The following CCSER1 variants were observed in gnomAD, a reference collection of about 807,000 sequenced individuals.
CCSER1 encodes the protein coiled-coil serine rich protein 1, also known as serine-rich coiled-coil domain-containing protein 1.
A neutral mutation model predicts 82.0 loss-of-function variants in CCSER1; 41 were observed. The ratio of observed to expected loss-of-function variants is 0.50; its 90% CI spans 0.39 to 0.65. The LOEUF is 0.65. Ranked by LOEUF, CCSER1 falls within the 30% of genes least tolerant of loss-of-function variation. CCSER1 has a pLI of 0.00. For synonymous variants in CCSER1, 414 were observed against 383.9 expected (o/e 1.08, Z -0.92); for missense variants, 1,119 against 1,064.2 (o/e 1.05, Z -0.72).
chr4:91,454,038 A>G (rs2149422627), intron 10 of CCSER1, among the ~76,000 whole-genome samples: 1 of 152,214 alleles, frequency 6.6e-6, no homozygotes, highest in African/African-American at 2.4e-5. Flanking sequence ...CCTGACATCT[A>G]TGAGCTCCAG....
chr4:91,166,385 G>A (rs1263698000), intron 10 of CCSER1, among the ~76,000 whole-genome samples: 1 of 152,122 alleles, frequency 6.6e-6, no homozygotes, highest in African/African-American at 2.4e-5. Flanking sequence ...CCAAATAGAT[G>A]TGCTCTTTCC....
chr4:90,991,571 C>A (rs1003844956), intron 9 of CCSER1, among the ~76,000 whole-genome samples: 7 of 151,884 alleles, frequency 4.6e-5, no homozygotes, highest in African/African-American at 1.4e-4. Context: ...CTTCACATGG[C>A]ATTCTCCTCC....
At chr4:90,852,239 C>T (rs187845378) in intron 8 of CCSER1, among the ~76,000 whole-genome samples, 5 of 152,238 alleles carry the variant, frequency 3.3e-5, no homozygotes, top group South Asian at 4.1e-4. Context: ...TGCTGAATAG[C>T]GTATAATTAT....
chr4:91,377,848 G>C (rs1269078402), intron 10 of CCSER1, among the ~76,000 whole-genome samples: 2 of 152,242 alleles, frequency 1.3e-5, no homozygotes, highest in Non-Finnish European at 2.9e-5. Flanking sequence ...GAATGGTATT[G>C]CCTAGGTTTT....
chr4:90,250,241 T>C (rs1382842035), intron 1 of CCSER1, among the ~76,000 whole-genome samples: 2 of 152,138 alleles, frequency 1.3e-5, no homozygotes, highest in African/African-American at 2.4e-5. Context: ...TGAAGTCTAA[T>C]TTATTTATAT....
intron 10 of CCSER1, 61 bp downstream of exon 10, chr4:91,086,055 G>A: frequency 1.0e-6 from 1 of 965,706 alleles, no homozygotes; most frequent in Non-Finnish European, 1.6e-6. Context: ...GTGTTGCAGT[G>A]ATGTGGTGAT....
At chr4:90,806,845 T>A (rs923889503) in intron 7 of CCSER1, among the ~76,000 whole-genome samples, 29 of 151,358 alleles carry the variant, frequency 1.9e-4, no homozygotes, top group African/African-American at 7.0e-4. Context: ...GACTGTCCCC[T>A]ACTCAATCCT....
chr4:90,689,500 A>C (rs1735432200), intron 6 of CCSER1, among the ~76,000 whole-genome samples: 1 of 152,190 alleles, frequency 6.6e-6, no homozygotes, highest in African/African-American at 2.4e-5. Flanking sequence ...TCTAATATTT[A>C]ATGTAAATAT....
At chr4:90,186,560 C>T (rs1734653073) in intron 1 of CCSER1, among the ~76,000 whole-genome samples, 1 of 151,926 alleles carries the variant, frequency 6.6e-6, no homozygotes, top group South Asian at 2.1e-4. Context: ...AAGTACTTAT[C>T]ATTTACCAAT....
At chr4:90,162,077 A>G (rs945272745) in intron 1 of CCSER1, among the ~76,000 whole-genome samples, 1 of 152,140 alleles carries the variant, frequency 6.6e-6, no homozygotes, top group African/African-American at 2.4e-5. Context: ...GGAGTGTGGT[A>G]AGGTGGCAAA....
chr4:91,294,905 A>G (rs1744040562), intron 10 of CCSER1, among the ~76,000 whole-genome samples: 1 of 151,980 alleles, frequency 6.6e-6, no homozygotes. Context: ...CAGACAGAGT[A>G]CAATGCCAGA....
intron 8 of CCSER1, among the ~76,000 whole-genome samples, chr4:90,854,828 A>C (rs1313106881): frequency 6.6e-6 from 1 of 152,106 alleles, no homozygotes; most frequent in East Asian, 1.9e-4. Context: ...CTGCTATAAA[A>C]ACTACTGGAG....
At position 91,167,731 on chromosome 4, in the gene CCSER1, T is replaced by C. The variant is rs183525908; in HGVS notation, c.2217+81737T>C. On this transcript the variant is annotated intron_variant, in intron 10 of 10. Coordinates refer to ENST00000509176, the MANE Select transcript of CCSER1 (RefSeq NM_001145065.2). ...GGGAATATATATGATTTACCTAAAT[T>C]TACACAGCTGATTTACAGTGGAGCC... Among the ~76,000 whole-genome samples, 359 of 152,360 alleles carry C rather than the reference T, an allele frequency of 2.4e-3. 4 individuals carry two copies. The highest frequency in any genetic ancestry group is 0.019 in the Admixed American group (284 of 15,304).
intron 5 of CCSER1, among the ~76,000 whole-genome samples, chr4:90,618,417 A>G (rs534028668): frequency 1.3e-5 from 2 of 152,066 alleles, no homozygotes; most frequent in African/African-American, 4.8e-5. Flanking sequence ...GCAAATATAC[A>G]TACAGTAATA....
At chr4:91,194,682 A>G (rs1483535000) in intron 10 of CCSER1, among the ~76,000 whole-genome samples, 1 of 152,160 alleles carries the variant, frequency 6.6e-6, no homozygotes, top group African/African-American at 2.4e-5. Context: ...GAACACACAC[A>G]CACACACACA....
At chr4:90,157,508 C>CA (rs1728487965) in intron 1 of CCSER1, among the ~76,000 whole-genome samples, 1 of 152,222 alleles carries the variant, frequency 6.6e-6, no homozygotes, top group South Asian at 2.1e-4. Flanking sequence ...CTTTCAGATA[C>CA]ACCAATCAGA....
chr4:90,687,158 G>A (rs1379883939), intron 6 of CCSER1, among the ~76,000 whole-genome samples: 1 of 152,070 alleles, frequency 6.6e-6, no homozygotes, highest in Non-Finnish European at 1.5e-5. Flanking sequence ...ATTTTTCACA[G>A]AAGCACTTCA....
chr4:90,231,421 AC>A (rs1210554997), intron 1 of CCSER1, among the ~76,000 whole-genome samples: 2 of 147,754 alleles, frequency 1.4e-5, no homozygotes, highest in Non-Finnish European at 3.0e-5. Flanking sequence ...AAATTCAACA[AC>A]CCTTCATGCT....
At position 91,190,978 on chromosome 4, in the gene CCSER1, A is replaced by C. The variant is rs190220608; in HGVS notation, c.2217+104984A>C. Among the ~76,000 whole-genome samples, 53 of 152,338 alleles carry C rather than the reference A, an allele frequency of 3.5e-4. No homozygotes were observed. The East Asian group carries it at 9.8e-3, about 28-fold the overall frequency. ...CCCACCTGGTTGTTATCAGGATTAA[A>C]TGAGTTAATCAGAATAATGTCTGAA... On this transcript the variant is annotated intron_variant, in intron 10 of 10. Transcript: ENST00000509176.
Sources: gnomAD v4.1 joint callset for allele counts (sites outside exome capture counted in the v4.1 genomes callset) on GRCh38, gnomAD v4.1.1 for gene constraint, MANE v1.5 for transcripts, NCBI Gene and HGNC (gene_info 2026-07-23, HGNC 2026-07-21) for gene names.